Variants in CHST8 observed in about 807,000 individuals in gnomAD.
The protein encoded by CHST8 is GALNAC-4-ST1.
Under a neutral mutation model 15.0 loss-of-function variants are expected in CHST8, and 10 were observed. The ratio of observed to expected loss-of-function variants is 0.67; its 90% CI spans 0.41 to 1.13. The LOEUF (loss-of-function observed/expected upper bound fraction) is 1.13. Ranked by LOEUF, CHST8 falls within the 50% of genes most tolerant of loss-of-function variation. The pLI is 0.00. For missense variants in CHST8, 634 were observed against 608.2 expected, an observed-to-expected ratio of 1.04 and a Z score of -0.45; for synonymous variants, 259 against 256.6, an observed-to-expected ratio of 1.01 and a Z score of -0.09.
At position 33,772,381 on chromosome 19, in the gene CHST8, C is replaced by T; in HGVS notation, c.593C>T (p.Pro198Leu). ...DRHRVLYCEV[P>L]KAGCSNWKRV... ...CACCGCGTGCTCTACTGCGAGGTGC[C>T]CAAGGCCGGCTGCTCCAATTGGAAG... is the stretch of plus-strand genomic sequence containing the variant. The change falls in exon 5 of 5, where the codon CCC becomes CTC. Residue 198 changes from proline (P) to leucine (L), a missense_variant. Transcript: ENST00000650847. 6.2e-7 allele frequency: 1 copy of T among 1,609,130 alleles called. No homozygotes were observed. Among genetic ancestry groups the T allele is most frequent in the Non-Finnish European group, 8.5e-7 (1 of 1,179,524 alleles).
At chr19:33,632,577 C>T (rs749056349) in intron 1 of CHST8, among the ~76,000 whole-genome samples, 6 of 152,120 alleles carry the variant, frequency 3.9e-5, no homozygotes, top group African/African-American at 1.4e-4. Context: ...ACAGATCCTA[C>T]GTATACAATG....
At chr19:33,751,121 A>G (rs905500597) in intron 3 of CHST8, among the ~76,000 whole-genome samples, 1 of 152,222 alleles carries the variant, frequency 6.6e-6, no homozygotes, top group African/African-American at 2.4e-5. Context: ...CAAGTCATTA[A>G]CGTGGCCAAA....
chr19:33,622,944 G>A lies in CHST8; in HGVS notation c.-164+648G>A, dbSNP rs569083170. Among the ~76,000 whole-genome samples, 32 of 152,276 alleles carry A rather than the reference G, an allele frequency of 2.1e-4. No homozygotes were observed. The East Asian group carries it at 5.8e-3, about 28-fold the overall frequency. On this transcript the variant is annotated intron_variant, in intron 1 of 4. Transcript: ENST00000650847. ...TCGGAGCCTGGGGCGGCTCCAGGGG[G>A]CGGGGAAATGATCCGTTTGGCCGCG... is the stretch of plus-strand genomic sequence containing the variant.
At chr19:33,659,627 G>A (rs1972559833) in intron 1 of CHST8, among the ~76,000 whole-genome samples, 1 of 151,850 alleles carries the variant, frequency 6.6e-6, no homozygotes, top group Non-Finnish European at 1.5e-5. Context: ...CCCAGGAGTT[G>A]GAGAGATCTT....
intron 3 of CHST8, among the ~76,000 whole-genome samples, chr19:33,713,639 C>T (rs1444180488): frequency 2.0e-5 from 3 of 152,012 alleles, no homozygotes; most frequent in African/African-American, 4.8e-5. Context: ...CATCTGGGCT[C>T]ACTGCAACCT....
At chr19:33,709,855 T>A (rs1973515496) in intron 3 of CHST8, among the ~76,000 whole-genome samples, 1 of 152,208 alleles carries the variant, frequency 6.6e-6, no homozygotes, top group South Asian at 2.1e-4. Context: ...TTACTTTTTT[T>A]AAAGATGGAG....
intron 3 of CHST8, among the ~76,000 whole-genome samples, chr19:33,737,886 C>T (rs888880939): frequency 2.6e-5 from 4 of 152,130 alleles, no homozygotes; most frequent in African/African-American, 9.7e-5. Context: ...ACTGTTATCT[C>T]CAAGCACTAG....
intron 3 of CHST8, among the ~76,000 whole-genome samples, chr19:33,748,247 A>G (rs1018803316): frequency 7.2e-5 from 11 of 152,102 alleles, no homozygotes; most frequent in African/African-American, 2.7e-4. Flanking sequence ...GAGCTCAGGG[A>G]CCCTCCACAT....
At chr19:33,705,572 G>C (rs148179134) in intron 3 of CHST8, among the ~76,000 whole-genome samples, 1 of 152,220 alleles carries the variant, frequency 6.6e-6, no homozygotes. Context: ...GCTTTCCTGC[G>C]AGTGGGCACT....
At chr19:33,733,232 C>CTTTTTT (rs34651897) in intron 3 of CHST8, among the ~76,000 whole-genome samples, 2 of 125,628 alleles carry the variant, frequency 1.6e-5, no homozygotes, top group African/African-American at 3.1e-5. Flanking sequence ...CAGATATATT[C>CTTTTTT]TTTTTTTTTT....
chr19:33,761,097 G>A (rs772994475), intron 3 of CHST8, among the ~76,000 whole-genome samples: 1 of 152,236 alleles, frequency 6.6e-6, no homozygotes, highest in Admixed American at 6.5e-5. Flanking sequence ...CAGAGACAGG[G>A]CAAGCCAGGG....
At chr19:33,758,926 G>GT (rs978128557) in intron 3 of CHST8, among the ~76,000 whole-genome samples, 1 of 152,058 alleles carries the variant, frequency 6.6e-6, no homozygotes, top group African/African-American at 2.4e-5. Flanking sequence ...TCTTGGCGGG[G>GT]GGGGGCGGTG....
chr19:33,761,899 G>A (rs1035258806), intron 3 of CHST8, among the ~76,000 whole-genome samples: 12 of 152,010 alleles, frequency 7.9e-5, no homozygotes, highest in African/African-American at 2.9e-4. Flanking sequence ...GAAAGAAGAG[G>A]CATGATCTGC....
intron 1 of CHST8, among the ~76,000 whole-genome samples, chr19:33,655,781 T>C (rs999644965): frequency 4.6e-5 from 7 of 152,186 alleles, no homozygotes; most frequent in Non-Finnish European, 7.3e-5. Context: ...TTTTCTCTTT[T>C]CTTGGTTAGA....
chr19:33,701,198 C>T (rs929017828), intron 3 of CHST8, among the ~76,000 whole-genome samples: 5 of 152,046 alleles, frequency 3.3e-5, no homozygotes, highest in South Asian at 2.1e-4. Flanking sequence ...GAGCCCAGGC[C>T]GTTCCCCTTA....
chr19:33,694,933 CTCCCCTCCCTTCCCCTTCTG>C, intron 3 of CHST8, among the ~76,000 whole-genome samples: 1 of 114,800 alleles, frequency 8.7e-6, no homozygotes, highest in East Asian at 2.7e-4. Context: ...TTCCCCTCCC[CTCCCCTCCCTTCCCCTTCTG>C]TTCCCTTCCC....
intron 1 of CHST8, among the ~76,000 whole-genome samples, chr19:33,634,803 G>T (rs1972171865): frequency 6.6e-6 from 1 of 151,048 alleles, no homozygotes; most frequent in Non-Finnish European, 1.5e-5. Flanking sequence ...TCCCATTGTT[G>T]TCTCCATCCT....
rs566105378 is a variant in CHST8, at chr19:33,739,350, G to A, written c.131-32063G>A. On this transcript the variant is annotated intron_variant, in intron 3 of 4. Transcript: ENST00000650847. ...CAACATCCCCTGCCCTGCAGAAGTC[G>A]TGGAAGCCATAAGCCATCCCTCCCT... Among the ~76,000 whole-genome samples the A allele has an allele frequency of 1.5e-3, 232 of 152,192 alleles. 4 individuals are homozygous for A. The highest frequency in any genetic ancestry group is 5.8e-4 in the East Asian group (3 of 5,168).
At position 33,708,808 on chromosome 19, in the gene CHST8, A is replaced by G. The variant is rs909443037; in HGVS notation, c.130+19417A>G. The stretch of plus-strand genomic sequence containing the variant: ...GATAGGAATGGCATTGACTGTAATA[A>G]TAAACTTGAGAGAATTGTCTTCTTA... On this transcript the variant is annotated intron_variant, in intron 3 of 4. Transcript: ENST00000650847. Among the ~76,000 whole-genome samples the G allele has an allele frequency of 5.3e-5, 8 of 152,348 alleles. No individual in the cohort carries two copies. In the East Asian group the frequency reaches 1.5e-3, roughly 29 times the overall value.
Sources: gnomAD v4.1 joint callset for allele counts (sites outside exome capture counted in the v4.1 genomes callset) on GRCh38, gnomAD v4.1.1 for gene constraint, MANE v1.5 for transcripts, NCBI Gene and HGNC (gene_info 2026-07-23, HGNC 2026-07-21) for gene names.